RNF19B: variants seen among roughly 807,000 people sequenced by gnomAD.
The protein encoded by RNF19B is ring finger protein 19B, also known as E3 ubiquitin-protein ligase RNF19B.
RNF19B carries 23 observed loss-of-function variants against 65.5 expected under a neutral mutation model. The observed-to-expected ratio is 0.35, with a 90% CI of 0.25 to 0.50. The LOEUF (loss-of-function observed/expected upper bound fraction) is 0.50. Among genes scored for constraint, RNF19B ranks in the 20% least tolerant of loss-of-function variants. RNF19B has a pLI of 0.98. For synonymous variants in RNF19B, 372 were observed against 379.6 expected (o/e 0.98, Z 0.23); for missense variants, 794 against 980.0 (o/e 0.81, Z 2.53).
intron 1 of RNF19B, among the ~76,000 whole-genome samples, chr1:32,953,127 C>G (rs1176163689): frequency 6.6e-6 from 1 of 150,924 alleles, no homozygotes; most frequent in African/African-American, 2.5e-5. Flanking sequence ...CTAACTTTTT[C>G]TTTTTTCTTT....
chr1:32,929,206 C>T, the RNF19B span, among the ~76,000 whole-genome samples: 1 of 152,168 alleles, frequency 6.6e-6, no homozygotes, highest in Non-Finnish European at 1.5e-5. Context: ...TGCTGCATCA[C>T]CCCAGTCTCT....
At chr1:32,962,104 G>A (rs1375393381) in intron 1 of RNF19B, among the ~76,000 whole-genome samples, 3 of 152,044 alleles carry the variant, frequency 2.0e-5, no homozygotes, top group Non-Finnish European at 4.4e-5. Context: ...GGGTAGCTGG[G>A]ACTACAGGTG....
At position 32,963,352 on chromosome 1, in the gene RNF19B, G is replaced by C. The variant is rs536698372; in HGVS notation, c.635+699C>G. Among the ~76,000 whole-genome samples, 40 of 152,206 alleles carry C rather than the reference G, an allele frequency of 2.6e-4. No individual in the cohort carries two copies. The East Asian group carries it at 7.5e-3, about 29-fold the overall frequency. On this transcript the variant is annotated intron_variant, in intron 1 of 8. Transcript: ENST00000235150. ...AGCCAAGTGGACACACCCCTCCGACGCGCTGCCCCCTCAGAATATTCTCAT... is the reference window on the plus strand; with the variant it reads ...AGCCAAGTGGACACACCCCTCCGACCCGCTGCCCCCTCAGAATATTCTCAT...
chr1:32,946,287 A>G, intron 4 of RNF19B, 115 bp downstream of exon 4: 3 of 800,556 alleles, frequency 3.7e-6, no homozygotes, highest in Non-Finnish European at 5.9e-6. Context: ...ATTTTTATCT[A>G]AGAACCAGCT....
At chr1:32,959,881 C>CAAAAAA (rs35488614) in intron 1 of RNF19B, among the ~76,000 whole-genome samples, 1 of 93,180 alleles carries the variant, frequency 1.1e-5, no homozygotes, top group African/African-American at 3.9e-5. Context: ...ACTAAAAATA[C>CAAAAAA]AAAAAAAAAA....
At chr1:32,962,527 T>G (rs999066141) in intron 1 of RNF19B, among the ~76,000 whole-genome samples, 1 of 152,262 alleles carries the variant, frequency 6.6e-6, no homozygotes, top group Middle Eastern at 3.4e-3. Flanking sequence ...CTAAACAAGT[T>G]TGGCAGAATT....
chr1:32,943,477 G>A (rs143526564), intron 6 of RNF19B, among the ~76,000 whole-genome samples: 159 of 152,130 alleles, frequency 1.0e-3, no homozygotes, highest in African/African-American at 3.6e-3. Context: ...TTAGCCAGGC[G>A]TGGTGGCACG....
chr1:32,944,728 G>A (rs980180549), intron 5 of RNF19B, among the ~76,000 whole-genome samples: 2 of 151,022 alleles, frequency 1.3e-5, no homozygotes, highest in African/African-American at 2.4e-5. Context: ...TCACTCTGTT[G>A]CCCAGGCTGG....
At chr1:32,931,866 T>G (rs566244780), downstream of RNF19B, among the ~76,000 whole-genome samples, 33 of 152,238 alleles carry the variant, frequency 2.2e-4, 1 homozygote, top group Non-Finnish European at 4.1e-4. Context: ...GACATTTCAT[T>G]TCAGGTGACC....
chr1:32,940,099 G>T (rs1642198273), intron 7 of RNF19B, among the ~76,000 whole-genome samples: 1 of 152,194 alleles, frequency 6.6e-6, no homozygotes. Flanking sequence ...AAGGCCCAGG[G>T]AAATGAGGGA....
intron 1 of RNF19B, among the ~76,000 whole-genome samples, chr1:32,961,888 A>G (rs988463609): frequency 1.3e-5 from 2 of 152,204 alleles, no homozygotes; most frequent in African/African-American, 2.4e-5. Context: ...TTTTCCAGAA[A>G]GATGATCTGC....
At chr1:32,948,970 A>C (rs918061056) in intron 2 of RNF19B, among the ~76,000 whole-genome samples, 3 of 152,238 alleles carry the variant, frequency 2.0e-5, no homozygotes, top group African/African-American at 7.2e-5. Flanking sequence ...GTGCCAGGAA[A>C]AAGTGAATGG....
chr1:32,935,033 T>C (rs1054663902), downstream of RNF19B, among the ~76,000 whole-genome samples: 2 of 151,910 alleles, frequency 1.3e-5, no homozygotes, highest in East Asian at 2.0e-4. Flanking sequence ...GGTTTCACCA[T>C]GTTGGCCAGG....
chr1:32,960,093 TG>T (rs1260557826), intron 1 of RNF19B, among the ~76,000 whole-genome samples: 3 of 152,112 alleles, frequency 2.0e-5, no homozygotes, highest in Non-Finnish European at 4.4e-5. Context: ...CCACTGAAAT[TG>T]GTTCCCTTAT....
chr1:32,938,766 C>T (rs171837), intron 7 of RNF19B, among the ~76,000 whole-genome samples: 27,994 of 152,106 alleles, frequency 0.18, 3,147 homozygotes, highest in East Asian at 0.25. Context: ...TTCATCATCT[C>T]CTGCCTGGAT....
At chr1:32,947,781 AC>A (rs1337895767) in intron 3 of RNF19B, among the ~76,000 whole-genome samples, 1 of 152,142 alleles carries the variant, frequency 6.6e-6, no homozygotes, top group Non-Finnish European at 1.5e-5. Context: ...TAAGATAGGT[AC>A]GTGAAGTGTA....
intron 1 of RNF19B, among the ~76,000 whole-genome samples, chr1:32,958,630 A>T (rs1047336704): frequency 6.6e-6 from 1 of 151,918 alleles, no homozygotes; most frequent in East Asian, 1.9e-4. Flanking sequence ...GCAGGAGAAT[A>T]GCATGAACCC....
Position 32,942,286 on chromosome 1 carries a change from C to T in RNF19B, c.1576G>A (p.Gly526Ser), listed in dbSNP as rs201645488. Reference sequence around the variant, plus strand: ...TTTCCCTTGCCACTGGAGAGAATGCCGCCACTCAGCGTGCCCCCTGAGAGG... The same window carrying T: ...TTTCCCTTGCCACTGGAGAGAATGCTGCCACTCAGCGTGCCCCCTGAGAGG... ...AALSGGTLSG[G>S]ILSSGKGKYS... Residue 526 changes from glycine (G) to serine (S), a missense_variant, in exon 7 of 9, where the codon GGC becomes AGC. By Grantham distance (56) the Gly-to-Ser change is moderately conservative (BLOSUM62 0). Coordinates refer to ENST00000235150, the MANE Select transcript of RNF19B (RefSeq NM_001300826.2). The T allele has an allele frequency of 3.2e-4, 515 of 1,612,300 alleles. No homozygotes were observed. Among genetic ancestry groups the T allele is most frequent in the Non-Finnish European group, 4.2e-4 (494 of 1,178,486 alleles).
rs527346458 is a variant in RNF19B, at chr1:32,961,308, C to A, written c.635+2743G>T. Among the ~76,000 whole-genome samples the A allele has an allele frequency of 1.5e-4, 23 of 152,264 alleles. No individual in the cohort carries two copies. The South Asian group carries it at 4.4e-3, about 29-fold the overall frequency. ...CTCAGGCTACACTTAATGAAATGCACCCAAGCAGCAGCATCCTCAATAATG... is the reference window on the plus strand; with the variant it reads ...CTCAGGCTACACTTAATGAAATGCAACCAAGCAGCAGCATCCTCAATAATG... On this transcript the variant is annotated intron_variant, in intron 1 of 8. Coordinates refer to ENST00000235150, the MANE Select transcript of RNF19B (RefSeq NM_001300826.2).
Sources: gnomAD v4.1 joint callset for allele counts (sites outside exome capture counted in the v4.1 genomes callset) on GRCh38, gnomAD v4.1.1 for gene constraint, MANE v1.5 for transcripts, NCBI Gene and HGNC (gene_info 2026-07-23, HGNC 2026-07-21) for gene names.